Variants in CNOT4 observed in about 807,000 individuals in gnomAD.
CNOT4 encodes CCR4-associated factor 4.
A neutral mutation model predicts 73.8 loss-of-function variants in CNOT4; 8 were observed. The observed-to-expected ratio is 0.11, with a 90% CI of 0.06 to 0.20. The LOEUF (loss-of-function observed/expected upper bound fraction) is 0.20. Among genes scored for constraint, CNOT4 ranks in the 10% least tolerant of loss-of-function variants. The pLI, the probability that CNOT4 is intolerant of heterozygous loss-of-function variation, is 1.00. For synonymous variants in CNOT4, 293 were observed against 321.1 expected, an observed-to-expected ratio of 0.91 and a Z score of 0.94; for missense variants, 564 against 883.4, an observed-to-expected ratio of 0.64 and a Z score of 4.58.
intron 2 of CNOT4, among the ~76,000 whole-genome samples, chr7:135,423,552 A>G (rs1798310985): frequency 6.6e-6 from 1 of 151,998 alleles, no homozygotes; most frequent in South Asian, 2.1e-4. Context: ...ATTTCACCTT[A>G]TATTTCACAA....
chr7:135,367,971 A>C (rs867279883), intron 10 of CNOT4, among the ~76,000 whole-genome samples: 62 of 152,156 alleles, frequency 4.1e-4, no homozygotes, highest in African/African-American at 1.4e-3. Context: ...CTGATGTTAA[A>C]AAATTTTACT....
In CNOT4 at chr7:135,444,939, T is replaced by G. The variant is rs1483024884; in HGVS notation, c.-92-6516A>C. ...CATGCTGTGGAAGCTCTGACCTTTTTGACTTCATACTTTGAAGAACTGATG... is the reference window on the plus strand; with the variant it reads ...CATGCTGTGGAAGCTCTGACCTTTTGGACTTCATACTTTGAAGAACTGATG... On this transcript the variant is annotated intron_variant, in intron 1 of 11. Coordinates refer to ENST00000541284, the MANE Select transcript of CNOT4 (RefSeq NM_001190850.2). 11 of 1,580,378 alleles carry G rather than the reference T, an allele frequency of 7.0e-6. No individual in the cohort carries two copies. The South Asian group carries it at 8.9e-5, about 13-fold the overall frequency.
chr7:135,432,223 G>T (rs545253994), intron 2 of CNOT4, among the ~76,000 whole-genome samples: 82 of 152,200 alleles, frequency 5.4e-4, no homozygotes, highest in African/African-American at 1.8e-3. Flanking sequence ...TTTCAGGAAA[G>T]ATTTCAAAAC....
At chr7:135,369,125 T>C (rs1174149818) in intron 10 of CNOT4, among the ~76,000 whole-genome samples, 1 of 152,182 alleles carries the variant, frequency 6.6e-6, no homozygotes, top group Non-Finnish European at 1.5e-5. Context: ...ATGTAGTTTA[T>C]GTATTAGGGT....
At chr7:135,410,744 AAAAT>A (rs1426375548) in intron 6 of CNOT4, 96 bp from the exon 7 acceptor site, 5 of 689,596 alleles carry the variant, frequency 7.3e-6, no homozygotes, top group African/African-American at 3.9e-5. Context: ...TATTTTAAAT[AAAAT>A]AAATAATATT....
At chr7:135,495,437 G>A (rs536334437) in intron 1 of CNOT4, among the ~76,000 whole-genome samples, 5 of 150,306 alleles carry the variant, frequency 3.3e-5, no homozygotes, top group East Asian at 2.0e-4. Flanking sequence ...CCCGGGAGGC[G>A]GAGGCTGCAG....
In CNOT4 at chr7:135,370,294, C is replaced by A. The variant is rs186813620; in HGVS notation, c.1628-6228G>T. 3.5e-3 allele frequency among the ~76,000 whole-genome samples: 533 copies of A among 152,090 alleles called. 1 individual carries two copies. Among genetic ancestry groups the A allele is most frequent in the South Asian group, 0.011 (51 of 4,798 alleles). Reference sequence around the variant, plus strand: ...AAAGTAACAGTCAAAACAACAACAACAAAAAAGGCAATATTTGTTTATACT... The same window carrying A: ...AAAGTAACAGTCAAAACAACAACAAAAAAAAAGGCAATATTTGTTTATACT... On this transcript the variant is annotated intron_variant, in intron 10 of 11. Coordinates refer to ENST00000541284, the MANE Select transcript of CNOT4 (RefSeq NM_001190850.2).
intron 2 of CNOT4, among the ~76,000 whole-genome samples, chr7:135,425,539 G>A (rs903932670): frequency 7.2e-5 from 11 of 152,058 alleles, no homozygotes; most frequent in Admixed American, 7.2e-4. Flanking sequence ...TTTCCATCAG[G>A]CTTCAAAGTC....
At chr7:135,470,117 C>T (rs904015669) in intron 1 of CNOT4, among the ~76,000 whole-genome samples, 6 of 149,272 alleles carry the variant, frequency 4.0e-5, no homozygotes, top group African/African-American at 9.9e-5. Context: ...GACACCGTGC[C>T]GAGCCTGGTG....
chr7:135,374,787 C>T (rs1795428084), intron 10 of CNOT4, among the ~76,000 whole-genome samples: 2 of 152,160 alleles, frequency 1.3e-5, no homozygotes, highest in Admixed American at 6.5e-5. Flanking sequence ...AATCCAAACA[C>T]ATACAATTTA....
chr7:135,409,596 T>C (rs1797485808), intron 7 of CNOT4, among the ~76,000 whole-genome samples: 1 of 152,124 alleles, frequency 6.6e-6, no homozygotes, highest in Admixed American at 6.5e-5. Flanking sequence ...AAAATAGTTC[T>C]TACATCATTT....
At chr7:135,498,776 T>G (rs1462554449) in intron 1 of CNOT4, among the ~76,000 whole-genome samples, 2 of 152,194 alleles carry the variant, frequency 1.3e-5, no homozygotes, top group Admixed American at 1.3e-4. Context: ...CTCGAACTCC[T>G]GACTTCGTGA....
intron 2 of CNOT4, among the ~76,000 whole-genome samples, chr7:135,432,801 T>G (rs933986863): frequency 3.9e-5 from 6 of 152,216 alleles, no homozygotes; most frequent in Non-Finnish European, 1.5e-5. Flanking sequence ...CACTTAACAG[T>G]TGAGCAGATA....
chr7:135,434,501 G>C (rs1217565493), intron 2 of CNOT4, among the ~76,000 whole-genome samples: 2 of 152,184 alleles, frequency 1.3e-5, no homozygotes, highest in Non-Finnish European at 2.9e-5. Context: ...ATGTAACTTG[G>C]AGACCCTAAA....
intron 1 of CNOT4, among the ~76,000 whole-genome samples, chr7:135,473,277 C>G (rs1801757729): frequency 6.6e-6 from 1 of 152,030 alleles, no homozygotes; most frequent in Non-Finnish European, 1.5e-5. Flanking sequence ...CATTTCCAAG[C>G]ATCTCTTAAG....
At chr7:135,508,557 T>G (rs576426128) in intron 1 of CNOT4, among the ~76,000 whole-genome samples, 1 of 152,356 alleles carries the variant, frequency 6.6e-6, no homozygotes, top group South Asian at 2.1e-4. Context: ...AGACAATTTA[T>G]TCTGATAACT....
rs967818800 is a variant in CNOT4, at chr7:135,492,705, G to A, written c.-93+17184C>T. On this transcript the variant is annotated intron_variant, in intron 1 of 11. Coordinates refer to ENST00000541284, the MANE Select transcript of CNOT4 (RefSeq NM_001190850.2). ...CCAGCTCTTTGGGAGGCCAAGAAAGGAGGACTACTTGGGGCCAGGAGTTTC... is the reference window on the plus strand; with the variant it reads ...CCAGCTCTTTGGGAGGCCAAGAAAGAAGGACTACTTGGGGCCAGGAGTTTC... Among the ~76,000 whole-genome samples, 6 of 152,174 alleles carry A rather than the reference G, an allele frequency of 3.9e-5. No homozygotes were observed. In the East Asian group the frequency reaches 5.8e-4, roughly 15 times the overall value.
At chr7:135,417,496 G>A (rs772895202) in intron 3 of CNOT4, among the ~76,000 whole-genome samples, 5 of 152,168 alleles carry the variant, frequency 3.3e-5, no homozygotes, top group Non-Finnish European at 7.4e-5. Flanking sequence ...TTTAAAAAGT[G>A]GACACTGAGT....
At position 135,403,810 on chromosome 7, in the gene CNOT4, C is replaced by T. The variant is rs543504175; in HGVS notation, c.822-5584G>A. 1.4e-4 allele frequency among the ~76,000 whole-genome samples: 22 copies of T among 152,206 alleles called. No individual in the cohort carries two copies. In the East Asian group the frequency reaches 3.1e-3, roughly 21 times the overall value. On this transcript the variant is annotated intron_variant, in intron 7 of 11. Transcript: ENST00000541284. ...AGTCAAAATATGGACATCTACTAGC[C>T]TAAACATATCACAAAATGTGGTAAC... is the stretch of plus-strand genomic sequence containing the variant.
Sources: allele counts gnomAD v4.1 joint callset (sites outside exome capture counted in the v4.1 genomes callset), GRCh38; gene constraint gnomAD v4.1.1; transcripts MANE v1.5; gene names NCBI Gene and HGNC (gene_info 2026-07-23, HGNC 2026-07-21).